Variants in IGF1 observed in about 807,000 individuals in gnomAD.
IGF1 encodes the protein insulin-like growth factor 1.
Under a neutral mutation model 13.8 loss-of-function variants are expected in IGF1, and 4 were observed. The ratio of observed to expected loss-of-function variants is 0.29; its 90% CI spans 0.14 to 0.66. The LOEUF is 0.66. Among genes scored for constraint, IGF1 ranks in the 30% least tolerant of loss-of-function variants. The pLI is 0.78. For missense variants in IGF1, 124 were observed against 188.5 expected, an observed-to-expected ratio of 0.66 and a Z score of 2.00; for synonymous variants, 76 against 72.6, an observed-to-expected ratio of 1.05 and a Z score of -0.23.
intron 2 of IGF1, among the ~76,000 whole-genome samples, chr12:102,441,122 T>C (rs1019971455): frequency 6.6e-6 from 1 of 152,178 alleles, no homozygotes; most frequent in African/African-American, 2.4e-5. Flanking sequence ...TAGTGACTCA[T>C]GGGAATTATT....
upstream of IGF1, among the ~76,000 whole-genome samples, chr12:102,481,347 CTGTGTGTGTGTGTGTGTGTG>C (rs3033407): frequency 2.1e-5 from 3 of 140,278 alleles, no homozygotes; most frequent in African/African-American, 7.9e-5. Flanking sequence ...TAACTCAAAC[CTGTGTGTGTGTGTGTGTGTG>C]TGTGTGTGTG....
At chr12:102,441,939 T>TCTCCTTCTCCTTCTCCTTCTCCTTCTC (rs1877836980) in intron 2 of IGF1, among the ~76,000 whole-genome samples, 1 of 136,782 alleles carries the variant, frequency 7.3e-6, no homozygotes, top group Admixed American at 8.1e-5. Context: ...TTCTTCTTCT[T>TCTCCTTCTCCTTCTCCTTCTCCTTCTC]CTTCTTCTTC....
intron 2 of IGF1, among the ~76,000 whole-genome samples, chr12:102,441,953 T>TCCTTCTCCTTCTCCTTCTCCTTC (rs199797730): frequency 7.1e-6 from 1 of 140,222 alleles, no homozygotes; most frequent in Admixed American, 8.1e-5. Flanking sequence ...CTTCTTCTTC[T>TCCTTCTCCTTCTCCTTCTCCTTC]TCTTTTTTTT....
intron 2 of IGF1, among the ~76,000 whole-genome samples, chr12:102,430,510 A>ACT: frequency 6.6e-6 from 1 of 152,168 alleles, no homozygotes; most frequent in African/African-American, 2.4e-5. Flanking sequence ...GAAGCTTTTG[A>ACT]CTCTGAGTAG....
chr12:102,433,193 C>A (rs1876893855), intron 2 of IGF1, among the ~76,000 whole-genome samples: 1 of 152,196 alleles, frequency 6.6e-6, no homozygotes, highest in South Asian at 2.1e-4. Context: ...ACACTCCTGT[C>A]CTTCTTTCAC....
intron 3 of IGF1, among the ~76,000 whole-genome samples, chr12:102,410,608 T>G (rs1874555055): frequency 6.6e-6 from 1 of 152,190 alleles, no homozygotes; most frequent in Non-Finnish European, 1.5e-5. Flanking sequence ...CTTAAACTGG[T>G]GTATGCAGTA....
In IGF1 at chr12:102,399,027, T is replaced by TTTTG. The variant is rs962751448; in HGVS notation, c.*3476_*3479dup. 2.0e-5 allele frequency: 3 copies of TTTTG among 152,350 alleles called. No homozygotes were observed. The highest frequency in any genetic ancestry group is 4.8e-5 in the African/African-American group (2 of 41,358). 9.4% of individuals were successfully genotyped at this position (152,350 alleles called of 1,614,324 possible). On this transcript the variant is annotated 3_prime_UTR_variant, in exon 4 of 4. Transcript: ENST00000337514. ...AAGGATTCTCAAGGGTGGACAGGCT[T>TTTTG]TTTGTTTGTTTGTTTGTTTTTTAAT...
At chr12:102,438,145 GA>G (rs1319443540) in intron 2 of IGF1, among the ~76,000 whole-genome samples, 1 of 152,206 alleles carries the variant, frequency 6.6e-6, no homozygotes, top group Non-Finnish European at 1.5e-5. Context: ...CATGATCTGA[GA>G]AAACTAAAGA....
intron 2 of IGF1, among the ~76,000 whole-genome samples, chr12:102,460,564 A>G (rs1352803289): frequency 1.3e-5 from 2 of 152,228 alleles, no homozygotes; most frequent in Admixed American, 6.5e-5. Flanking sequence ...CTATAATTTT[A>G]CTTCCATACA....
intron 2 of IGF1, among the ~76,000 whole-genome samples, chr12:102,473,714 T>A (rs566985927): frequency 6.6e-6 from 1 of 152,316 alleles, no homozygotes; most frequent in Admixed American, 6.5e-5. Context: ...TTTTTAAAAA[T>A]TTGCTGAAAT....
intron 1 of IGF1, among the ~76,000 whole-genome samples, chr12:102,477,274 GAAAA>G (rs539813999): frequency 1.0e-4 from 10 of 96,124 alleles, no homozygotes; most frequent in African/African-American, 1.6e-4. Context: ...AGCAACTGAG[GAAAA>G]AAAAAAAAAA....
At chr12:102,438,911 T>A (rs1016345296) in intron 2 of IGF1, among the ~76,000 whole-genome samples, 9 of 152,200 alleles carry the variant, frequency 5.9e-5, no homozygotes, top group African/African-American at 2.2e-4. Flanking sequence ...ATCCTATTAT[T>A]TCTTTCAAAA....
At chr12:102,475,544 G>C (rs746825707) in intron 2 of IGF1, 99 bp downstream of exon 2, 3 of 1,339,792 alleles carry the variant, frequency 2.2e-6, no homozygotes, top group Non-Finnish European at 3.2e-6. Flanking sequence ...TGCCAGATAC[G>C]GGCACTCATT....
At chr12:102,430,479 T>C (rs1467472828) in intron 2 of IGF1, among the ~76,000 whole-genome samples, 1 of 152,134 alleles carries the variant, frequency 6.6e-6, no homozygotes, top group Non-Finnish European at 1.5e-5. Context: ...TTCCATATGA[T>C]AAGGATAGAA....
intron 1 of IGF1, chr12:102,478,377 C>CTTT (rs67214112): frequency 5.9e-5 from 31 of 523,134 alleles, no homozygotes; most frequent in Admixed American, 1.9e-4. Context: ...TTTAAAAGTT[C>CTTT]TTTTTTTTTT....
intron 3 of IGF1, chr12:102,417,423 A>G (rs1006368961): frequency 2.5e-5 from 12 of 476,098 alleles, no homozygotes; most frequent in Non-Finnish European, 3.0e-5. Flanking sequence ...CTCTGAACAT[A>G]TATTGACATA....
chr12:102,445,001 C>G (rs1404143489), intron 2 of IGF1, among the ~76,000 whole-genome samples: 1 of 152,016 alleles, frequency 6.6e-6, no homozygotes, highest in Non-Finnish European at 1.5e-5. Context: ...GGAATCCTTT[C>G]CCCATTGCTT....
chr12:102,427,005 C>T (rs992050352), intron 2 of IGF1, among the ~76,000 whole-genome samples: 1 of 152,154 alleles, frequency 6.6e-6, no homozygotes, highest in Admixed American at 6.5e-5. Context: ...TTCATTTCCT[C>T]CCTGGAATGA....
chr12:102,414,590 T>G (rs1051421513), intron 3 of IGF1, among the ~76,000 whole-genome samples: 1 of 151,812 alleles, frequency 6.6e-6, no homozygotes, highest in Non-Finnish European at 1.5e-5. Context: ...CCCAGGTAAT[T>G]TTTTTGTATT....
Sources: allele counts gnomAD v4.1 joint callset (sites outside exome capture counted in the v4.1 genomes callset), GRCh38; gene constraint gnomAD v4.1.1; transcripts MANE v1.5; gene names NCBI Gene and HGNC (gene_info 2026-07-23, HGNC 2026-07-21).